Variants in EHD1 observed in about 807,000 individuals in gnomAD.
EHD1 encodes the protein EH domain-containing protein 1.
In EHD1, 19 loss-of-function variants were observed where a neutral mutation model predicts 39.0. The observed-to-expected ratio is 0.49, with a 90% CI of 0.34 to 0.72. The LOEUF (loss-of-function observed/expected upper bound fraction) is 0.72, where lower values mean the gene tolerates loss of function less well. EHD1 is among the 30% of genes least tolerant of loss of function. EHD1 has a pLI of 0.01. For synonymous variants in EHD1, 323 were observed against 331.2 expected, an observed-to-expected ratio of 0.98 and a Z score of 0.27; for missense variants, 542 against 751.5, an observed-to-expected ratio of 0.72 and a Z score of 3.26.
At chr11:64,867,043 T>G (rs1943774788) in intron 2 of EHD1, among the ~76,000 whole-genome samples, 1 of 152,122 alleles carries the variant, frequency 6.6e-6, no homozygotes, top group East Asian at 1.9e-4. Flanking sequence ...GGCTGAACAA[T>G]GAAGAATGTG....
chr11:64,857,433 C>A (rs1437908981), intron 3 of EHD1, among the ~76,000 whole-genome samples: 3 of 151,906 alleles, frequency 2.0e-5, no homozygotes, highest in Admixed American at 1.3e-4. Context: ...CCAAAAAAAT[C>A]AAAAAATAAA....
chr11:64,853,906 G>C lies in EHD1; in HGVS notation c.*427C>G, dbSNP rs950167934. Reference sequence around the variant, plus strand: ...GGTCCCGTGAAGCAACCTCAGCTCAGAAGCACACGGAGGGTGCCTGGTGTT... The same window carrying C: ...GGTCCCGTGAAGCAACCTCAGCTCACAAGCACACGGAGGGTGCCTGGTGTT... On this transcript the variant is annotated 3_prime_UTR_variant, in exon 5 of 5. Transcript: ENST00000320631. 2.6e-5 allele frequency: 5 copies of C among 194,538 alleles called. No homozygotes were observed. Among genetic ancestry groups the C allele is most frequent in the Admixed American group, 1.1e-4 (2 of 19,008 alleles). 12.1% of individuals were successfully genotyped at this position (194,538 alleles called of 1,614,324 possible).
At position 64,878,592 on chromosome 11, in the gene EHD1, C is replaced by G; in HGVS notation, c.-128G>C. On this transcript the variant is annotated 5_prime_UTR_variant, in exon 1 of 5. Transcript: ENST00000320631. ...CGACCCACACTGCGCAGGCGCACAG[C>G]CCAGCCCGTCGAAGCGCCCTCTGCC... is the stretch of plus-strand genomic sequence containing the variant. 7.0e-7 allele frequency: 1 copy of G among 1,428,302 alleles called. No individual in the cohort carries two copies. Among genetic ancestry groups the G allele is most frequent in the Admixed American group, 2.9e-5 (1 of 33,936 alleles). The allele number at this position is 1,428,302 out of a possible 1,614,324, so 88.5% of individuals were successfully genotyped here.
At chr11:64,858,302 C>T (rs1249651246) in intron 3 of EHD1, among the ~76,000 whole-genome samples, 2 of 151,842 alleles carry the variant, frequency 1.3e-5, no homozygotes, top group Non-Finnish European at 2.9e-5. Context: ...CTGTCTCAGC[C>T]TCCCAAGTAG....
chr11:64,871,622 A>G (rs2136496900), intron 2 of EHD1, among the ~76,000 whole-genome samples: 1 of 152,360 alleles, frequency 6.6e-6, no homozygotes, highest in South Asian at 2.1e-4. Flanking sequence ...ATCTTCTGCT[A>G]CTTCACAGCA....
chr11:64,864,749 T>C (rs1186150348), intron 2 of EHD1, among the ~76,000 whole-genome samples: 1 of 152,220 alleles, frequency 6.6e-6, no homozygotes, highest in Admixed American at 6.5e-5. Flanking sequence ...GAGGCTGTGA[T>C]GCCAAAACCG....
At position 64,853,998 on chromosome 11, in the gene EHD1, G is replaced by A. The variant is rs3741391; in HGVS notation, c.*335C>T. On this transcript the variant is annotated 3_prime_UTR_variant, in exon 5 of 5. Coordinates refer to ENST00000320631, the MANE Select transcript of EHD1 (RefSeq NM_006795.4). ...ACCTGGCTCCCCCACGGTCGCAGTC[G>A]CTGCACTGTCCAGCTCCAGCCACAG... is the stretch of plus-strand genomic sequence containing the variant. 0.79 allele frequency: 290,997 copies of A among 367,500 alleles called. 120,896 individuals are homozygous for A. The highest frequency in any genetic ancestry group is 0.89 in the Non-Finnish European group (175,662 of 198,238). The allele number at this position is 367,500 out of a possible 1,614,324, so 22.8% of individuals were successfully genotyped here. A position where few individuals can be genotyped will look rare whatever the true frequency, so the allele number is the denominator to read the frequency against.
chr11:64,855,214 A>G, intron 4 of EHD1, 108 bp downstream of exon 4: 1 of 1,454,850 alleles, frequency 6.9e-7, no homozygotes, highest in Admixed American at 2.6e-5. Flanking sequence ...GCTTCCGTTC[A>G]GGGAGGCCCT....
chr11:64,876,220 G>A (rs575717627), intron 1 of EHD1, among the ~76,000 whole-genome samples: 89 of 152,342 alleles, frequency 5.8e-4, no homozygotes, highest in Admixed American at 1.2e-3. Flanking sequence ...CACATAGGGG[G>A]AGAAGGCCGG....
intron 2 of EHD1, among the ~76,000 whole-genome samples, chr11:64,864,815 G>A (rs375108700): frequency 6.2e-4 from 95 of 152,286 alleles, no homozygotes; most frequent in African/African-American, 2.2e-3. Flanking sequence ...GTTAGCTTTG[G>A]CCTGGGAGTC....
intron 2 of EHD1, among the ~76,000 whole-genome samples, chr11:64,862,224 A>G (rs1943723822): frequency 6.6e-6 from 1 of 152,130 alleles, no homozygotes. Context: ...TCTATTCTAT[A>G]TTGCTTCCCA....
At chr11:64,870,491 T>A (rs1174723515) in intron 2 of EHD1, among the ~76,000 whole-genome samples, 1 of 152,270 alleles carries the variant, frequency 6.6e-6, no homozygotes, top group Non-Finnish European at 1.5e-5. Flanking sequence ...CTCACTGATG[T>A]GGCAGTGGCC....
rs376757467 is a variant in EHD1 at position 64,854,263 on chromosome 11, G to A, written c.*70C>T. On this transcript the variant is annotated 3_prime_UTR_variant, in exon 5 of 5. Transcript: ENST00000320631. ...GTCTTTATGGACCTTGAGAAATGGTGAGGCTTCCCCTCCCCCCGTCTCTGC... is the reference window on the plus strand; with the variant it reads ...GTCTTTATGGACCTTGAGAAATGGTAAGGCTTCCCCTCCCCCCGTCTCTGC... The A allele has an allele frequency of 1.6e-4, 235 of 1,502,128 alleles. No homozygotes were observed. The highest frequency in any genetic ancestry group is 2.0e-4 in the Non-Finnish European group (226 of 1,129,234). The allele number at this position is 1,502,128 out of a possible 1,614,324, so 93.0% of individuals were successfully genotyped here.
intron 1 of EHD1, among the ~76,000 whole-genome samples, chr11:64,876,457 C>T (rs766769425): frequency 2.0e-5 from 3 of 152,226 alleles, no homozygotes; most frequent in African/African-American, 7.2e-5. Flanking sequence ...AGGAAATAAA[C>T]GTGTGCCACC....
intron 3 of EHD1, 30 bp from the exon 4 acceptor site, chr11:64,855,516 C>T (rs1399515527): frequency 1.9e-6 from 3 of 1,612,090 alleles, no homozygotes; most frequent in Middle Eastern, 3.5e-4. Context: ...ATCAGGCGCT[C>T]TCTTGGCCCA....
At chr11:64,866,264 C>T (rs1943765624) in intron 2 of EHD1, among the ~76,000 whole-genome samples, 1 of 152,134 alleles carries the variant, frequency 6.6e-6, no homozygotes, top group Non-Finnish European at 1.5e-5. Context: ...AATAGAAAAC[C>T]AAATACCGCA....
At chr11:64,854,900 C>G (rs768615107) in intron 4 of EHD1, 43 bp from the exon 5 acceptor site, 6 of 1,578,694 alleles carry the variant, frequency 3.8e-6, no homozygotes, top group Middle Eastern at 1.7e-4. Flanking sequence ...AAGGGAGGCC[C>G]CTCCCAGACT....
chr11:64,864,404 G>C (rs1436062989), intron 2 of EHD1, among the ~76,000 whole-genome samples: 1 of 152,258 alleles, frequency 6.6e-6, no homozygotes, highest in South Asian at 2.1e-4. Flanking sequence ...CCTGCAGCTG[G>C]CTCTGAGCTC....
At chr11:64,855,662 A>G in intron 3 of EHD1, 176 bp from the exon 4 acceptor site, 1 of 876,664 alleles carries the variant, frequency 1.1e-6, no homozygotes, top group Non-Finnish European at 1.7e-6. Flanking sequence ...CTAGGAGCAG[A>G]CACAATCTGG....
Sources: gnomAD v4.1 joint callset for allele counts (sites outside exome capture counted in the v4.1 genomes callset) on GRCh38, gnomAD v4.1.1 for gene constraint, MANE v1.5 for transcripts, NCBI Gene and HGNC (gene_info 2026-07-23, HGNC 2026-07-21) for gene names.